DLG2: variants seen among roughly 807,000 people sequenced by gnomAD.
DLG2 encodes the protein discs large MAGUK scaffold protein 2, also known as disks large homolog 2.
A neutral mutation model predicts 132.5 loss-of-function variants in DLG2; 45 were observed. The ratio of observed to expected loss-of-function variants is 0.34; its 90% CI spans 0.27 to 0.44. The LOEUF (loss-of-function observed/expected upper bound fraction) is 0.44, where lower values mean the gene tolerates loss of function less well. Ranked by LOEUF, DLG2 falls within the 20% of genes least tolerant of loss-of-function variation. DLG2 has a pLI of 1.00. For missense variants in DLG2, 1,045 were observed against 1,196.9 expected, an observed-to-expected ratio of 0.87 and a Z score of 1.87; for synonymous variants, 424 against 419.6, an observed-to-expected ratio of 1.01 and a Z score of -0.13.
chr11:85,515,597 AC>A (rs1178600797), intron 3 of DLG2, among the ~76,000 whole-genome samples: 1 of 151,956 alleles, frequency 6.6e-6, no homozygotes, highest in Non-Finnish European at 1.5e-5. Context: ...ATGGGTTACT[AC>A]CATTATTATT....
chr11:84,267,009 A>T (rs1467374285), intron 7 of DLG2, among the ~76,000 whole-genome samples: 1 of 152,234 alleles, frequency 6.6e-6, no homozygotes, highest in Non-Finnish European at 1.5e-5. Context: ...CCAAATGCTT[A>T]TAATCCAAAG....
chr11:84,176,604 G>A (rs67605482), intron 8 of DLG2, among the ~76,000 whole-genome samples: 8,869 of 151,872 alleles, frequency 0.058, 322 homozygotes, highest in African/African-American at 0.094. Context: ...ATATCTATTA[G>A]TGTTTCTCAG....
At chr11:83,979,243 G>T (rs1015709012) in intron 12 of DLG2, among the ~76,000 whole-genome samples, 2 of 152,002 alleles carry the variant, frequency 1.3e-5, no homozygotes, top group African/African-American at 4.8e-5. Flanking sequence ...ATAAAATTTG[G>T]AGGTTCAACC....
chr11:84,078,146 C>A (rs1294176946), intron 10 of DLG2, among the ~76,000 whole-genome samples: 1 of 152,142 alleles, frequency 6.6e-6, no homozygotes, highest in East Asian at 1.9e-4. Flanking sequence ...AAAATCAGTC[C>A]ATGTTTCCAT....
chr11:85,585,886 T>C (rs1222679684), intron 3 of DLG2, among the ~76,000 whole-genome samples: 1 of 152,018 alleles, frequency 6.6e-6, no homozygotes, highest in African/African-American at 2.4e-5. Context: ...GCTAATTTTT[T>C]TGTATATGTT....
chr11:85,431,422 C>G (rs532824557), intron 3 of DLG2, among the ~76,000 whole-genome samples: 4 of 152,206 alleles, frequency 2.6e-5, no homozygotes, highest in Non-Finnish European at 5.9e-5. Context: ...ATCAGAAGAT[C>G]CCACTCGTGA....
intron 3 of DLG2, among the ~76,000 whole-genome samples, chr11:85,311,527 A>G (rs2080311135): frequency 6.6e-6 from 1 of 152,108 alleles, no homozygotes; most frequent in Admixed American, 6.6e-5. Flanking sequence ...TCCAGTAAGT[A>G]TATAATCCCC....
At chr11:83,615,979 C>A (rs1162926429) in intron 19 of DLG2, among the ~76,000 whole-genome samples, 1 of 152,078 alleles carries the variant, frequency 6.6e-6, no homozygotes, top group Non-Finnish European at 1.5e-5. Flanking sequence ...GTTTCTACAG[C>A]AGCCTAGAAA....
Position 84,255,957 on chromosome 11 carries a change from G to C in DLG2, c.520-4666C>G, listed in dbSNP as rs199598555. ...AGCCAGTTTTCAGCATAAGGGACTA[G>C]TACAGCTAATTACAGAGAAGCAAGA... On this transcript the variant is annotated intron_variant, in intron 7 of 27. Transcript: ENST00000376104. Among the ~76,000 whole-genome samples the C allele has an allele frequency of 2.0e-5, 3 of 152,072 alleles. No homozygotes were observed. In the East Asian group the frequency reaches 5.8e-4, roughly 30 times the overall value.
chr11:85,334,117 T>C lies in DLG2; in HGVS notation c.41-48752A>G, dbSNP rs1009879856. 1.3e-5 allele frequency among the ~76,000 whole-genome samples: 2 copies of C among 152,278 alleles called. 1 individual carries two copies. Among genetic ancestry groups the C allele is most frequent in the African/African-American group, 4.8e-5 (2 of 41,568 alleles). ...ACTGATTCAATGTCAGAATTCATTA[T>C]TGGTCTGTTCAGGGTTTCAATTTCT... is the stretch of plus-strand genomic sequence containing the variant. On this transcript the variant is annotated intron_variant, in intron 3 of 27. Transcript: ENST00000376104.
intron 10 of DLG2, among the ~76,000 whole-genome samples, chr11:84,086,986 T>C (rs1336782154): frequency 2.0e-5 from 3 of 152,212 alleles, no homozygotes; most frequent in Non-Finnish European, 2.9e-5. Flanking sequence ...GTGCCATCTG[T>C]CAGTACTTTA....
chr11:85,588,011 C>A lies in DLG2; in HGVS notation c.40+10646G>T, dbSNP rs116317905. Among the ~76,000 whole-genome samples the A allele has an allele frequency of 2.5e-3, 386 of 152,278 alleles. 3 individuals carry two copies. The highest frequency in any genetic ancestry group is 8.6e-3 in the African/African-American group (358 of 41,534). ...CTGAAATATACTGTGTTTGAGGAGG[C>A]TAAGGATAGACCCCAATTCACTTCT... On this transcript the variant is annotated intron_variant, in intron 3 of 27. Transcript: ENST00000376104.
intron 3 of DLG2, among the ~76,000 whole-genome samples, chr11:85,546,420 C>A (rs969648902): frequency 2.6e-5 from 4 of 151,936 alleles, no homozygotes; most frequent in African/African-American, 9.7e-5. Context: ...AATTATGTGG[C>A]CAATTTTAGA....
chr11:84,438,370 C>A (rs1270467529), intron 7 of DLG2, among the ~76,000 whole-genome samples: 2 of 152,028 alleles, frequency 1.3e-5, no homozygotes, highest in Non-Finnish European at 2.9e-5. Flanking sequence ...AGAACTGAGG[C>A]CTCTATTACA....
At chr11:83,706,322 G>A (rs1159106742) in intron 18 of DLG2, among the ~76,000 whole-genome samples, 3 of 152,022 alleles carry the variant, frequency 2.0e-5, no homozygotes, top group Non-Finnish European at 4.4e-5. Flanking sequence ...GCTAGGTGCC[G>A]GGGACATGTG....
intron 9 of DLG2, among the ~76,000 whole-genome samples, chr11:84,133,076 G>C (rs2094476321): frequency 6.6e-6 from 1 of 151,998 alleles, no homozygotes; most frequent in Non-Finnish European, 1.5e-5. Context: ...AAAAATAAAT[G>C]AAAGTTTAAA....
chr11:84,056,395 A>T (rs976419672), intron 11 of DLG2, among the ~76,000 whole-genome samples: 1 of 152,112 alleles, frequency 6.6e-6, no homozygotes, highest in Admixed American at 6.6e-5. Flanking sequence ...CCTAGTTATG[A>T]CGAATCACAT....
chr11:85,593,375 C>T (rs2079505116), intron 3 of DLG2, among the ~76,000 whole-genome samples: 1 of 152,072 alleles, frequency 6.6e-6, no homozygotes, highest in Non-Finnish European at 1.5e-5. Flanking sequence ...AGTAAAGTAC[C>T]ATTTGCTGAG....
intron 17 of DLG2, among the ~76,000 whole-genome samples, chr11:83,805,659 G>A (rs1427134833): frequency 6.6e-6 from 1 of 151,750 alleles, no homozygotes; most frequent in Non-Finnish European, 1.5e-5. Context: ...TTTAAATACT[G>A]CCTTTCACAT....
Sources: allele counts gnomAD v4.1 joint callset (sites outside exome capture counted in the v4.1 genomes callset), GRCh38; gene constraint gnomAD v4.1.1; transcripts MANE v1.5; gene names NCBI Gene and HGNC (gene_info 2026-07-23, HGNC 2026-07-21).